The following DLGAP2 variants were observed in gnomAD, a reference collection of about 807,000 sequenced individuals.
DLGAP2 encodes disks large-associated protein 2.
Under a neutral mutation model 100.3 loss-of-function variants are expected in DLGAP2, and 26 were observed. That is an observed-to-expected ratio of 0.26 (90% CI 0.19 to 0.36). The LOEUF (loss-of-function observed/expected upper bound fraction) is 0.36. Among genes scored for constraint, DLGAP2 ranks in the 10% least tolerant of loss-of-function variants. The pLI, the probability that DLGAP2 is intolerant of heterozygous loss-of-function variation, is 1.00. For missense variants in DLGAP2, 1,858 were observed against 1,453.2 expected (o/e 1.28, Z -4.53); for synonymous variants, 886 against 630.1 (o/e 1.41, Z -6.08).
At chr8:1,520,782 C>T (rs966059863) in intron 4 of DLGAP2, among the ~76,000 whole-genome samples, 2 of 152,132 alleles carry the variant, frequency 1.3e-5, no homozygotes, top group Non-Finnish European at 2.9e-5. Context: ...GGACATCTTC[C>T]AAGTTTGGGC....
At chr8:851,617 C>G (rs891552647) in intron 1 of DLGAP2, among the ~76,000 whole-genome samples, 2 of 152,198 alleles carry the variant, frequency 1.3e-5, no homozygotes, top group African/African-American at 4.8e-5. Flanking sequence ...GTCAGTTCAG[C>G]CTCTGTTCAA....
chr8:1,230,252 A>G (rs1271330072), intron 2 of DLGAP2, among the ~76,000 whole-genome samples: 2 of 152,214 alleles, frequency 1.3e-5, no homozygotes, highest in African/African-American at 4.8e-5. Context: ...CAAGAACGCT[A>G]TCCTATTCTT....
At chr8:1,233,506 C>T (rs142059152) in intron 2 of DLGAP2, among the ~76,000 whole-genome samples, 3 of 152,288 alleles carry the variant, frequency 2.0e-5, no homozygotes, top group African/African-American at 7.2e-5. Flanking sequence ...GGTTGGGATG[C>T]AGACCGCAGC....
intron 1 of DLGAP2, among the ~76,000 whole-genome samples, chr8:809,069 G>C (rs892983692): frequency 1.3e-5 from 2 of 151,976 alleles, no homozygotes; most frequent in African/African-American, 4.8e-5. Context: ...ACCACGCCTG[G>C]CTAATTTTTT....
At chr8:1,428,096 C>T (rs139466562) in intron 3 of DLGAP2, among the ~76,000 whole-genome samples, 92 of 150,316 alleles carry the variant, frequency 6.1e-4, no homozygotes, top group South Asian at 5.9e-3. Flanking sequence ...GAACAGAGTA[C>T]GCTAAATAAA....
chr8:1,594,787 TA>T (rs1476741271), intron 6 of DLGAP2, among the ~76,000 whole-genome samples: 1 of 152,006 alleles, frequency 6.6e-6, no homozygotes, highest in Admixed American at 6.6e-5. Context: ...ATAGTTTTTT[TA>T]AAAAAAAGTT....
rs564527657 is a variant in DLGAP2, at chr8:1,551,093, T to C, written c.1230+1410T>C. 2.0e-5 allele frequency among the ~76,000 whole-genome samples: 3 copies of C among 152,392 alleles called. No individual in the cohort carries two copies. The East Asian group carries it at 5.8e-4, about 29-fold the overall frequency. Reference sequence around the variant, plus strand: ...TCCAGCGTCCACATCTCAACAGCTCTGTTTTGAAAGGAAATGCTAACCAAA... The same window carrying C: ...TCCAGCGTCCACATCTCAACAGCTCCGTTTTGAAAGGAAATGCTAACCAAA... On this transcript the variant is annotated intron_variant, in intron 5 of 14. Transcript: ENST00000637795.
At chr8:1,229,352 G>C (rs915901247) in intron 2 of DLGAP2, among the ~76,000 whole-genome samples, 14 of 151,716 alleles carry the variant, frequency 9.2e-5, no homozygotes, top group Non-Finnish European at 1.6e-4. Context: ...GAATCCATCT[G>C]TTCTGAAGCT....
At chr8:1,139,051 CT>C (rs1212116026) in intron 2 of DLGAP2, among the ~76,000 whole-genome samples, 1 of 152,250 alleles carries the variant, frequency 6.6e-6, no homozygotes, top group African/African-American at 2.4e-5. Context: ...GTTGAAGGAA[CT>C]TTTGAAATTG....
intron 8 of DLGAP2, among the ~76,000 whole-genome samples, chr8:1,639,471 G>A (rs998142028): frequency 2.0e-5 from 3 of 152,204 alleles, no homozygotes; most frequent in African/African-American, 4.8e-5. Flanking sequence ...TGCCACCCCC[G>A]ACCCAGGGTA....
At chr8:783,412 C>T (rs757109400) in intron 1 of DLGAP2, among the ~76,000 whole-genome samples, 14 of 152,144 alleles carry the variant, frequency 9.2e-5, no homozygotes, top group African/African-American at 7.2e-5. Flanking sequence ...ATTACATACA[C>T]GGGAAAGTAT....
intron 3 of DLGAP2, among the ~76,000 whole-genome samples, chr8:1,270,024 G>T (rs7001464): frequency 0.73 from 111,588 of 152,110 alleles, 41,849 homozygotes; most frequent in South Asian, 0.81. Flanking sequence ...TTCATCACAG[G>T]CCTTGCCCTT....
chr8:1,702,552 A>G lies in DLGAP2; in HGVS notation c.*1146A>G, dbSNP rs1050702148. ...GCAGTATTGCTAAAGTCGAGAATAT[A>G]TTCCTTGCCTGTGTTAGACATGAAG... On this transcript the variant is annotated 3_prime_UTR_variant, in exon 15 of 15. Coordinates refer to ENST00000637795, the MANE Select transcript of DLGAP2 (RefSeq NM_001346810.2). 5 of 152,342 alleles carry G rather than the reference A, an allele frequency of 3.3e-5. No homozygotes were observed. Among genetic ancestry groups the G allele is most frequent in the African/African-American group, 1.2e-4 (5 of 41,400 alleles). 9.4% of individuals were successfully genotyped at this position (152,342 alleles called of 1,614,324 possible). A position where few individuals can be genotyped will look rare whatever the true frequency, so the allele number is the denominator to read the frequency against.
At chr8:1,641,885 T>C (rs116611814) in intron 8 of DLGAP2, among the ~76,000 whole-genome samples, 13,950 of 115,202 alleles carry the variant, frequency 0.12, 1,269 homozygotes, top group African/African-American at 0.32. Context: ...AACCCGCCGG[T>C]CCTCACCTGT....
chr8:1,022,294 A>G (rs1321986048), intron 2 of DLGAP2, among the ~76,000 whole-genome samples: 1 of 147,694 alleles, frequency 6.8e-6, no homozygotes, highest in Non-Finnish European at 1.5e-5. Flanking sequence ...GCCGAGGTAG[A>G]TGCTCCAAAC....
At chr8:1,574,234 T>G (rs574158999) in intron 6 of DLGAP2, among the ~76,000 whole-genome samples, 1 of 152,346 alleles carries the variant, frequency 6.6e-6, no homozygotes, top group African/African-American at 2.4e-5. Context: ...AAACAGGTTC[T>G]GCGTCACCAG....
intron 2 of DLGAP2, among the ~76,000 whole-genome samples, chr8:941,819 AT>A (rs35770034): frequency 0.4 from 59,857 of 149,672 alleles, 12,206 homozygotes; most frequent in Admixed American, 0.53. Flanking sequence ...CACAAAATAC[AT>A]TTTTTTTTTT....
chr8:1,216,220 G>T (rs1159598992), intron 2 of DLGAP2, among the ~76,000 whole-genome samples: 1 of 152,184 alleles, frequency 6.6e-6, no homozygotes, highest in East Asian at 1.9e-4. Flanking sequence ...GGGTCTTCAG[G>T]TCTCACGTGA....
At chr8:780,515 A>T (rs1821654844) in intron 1 of DLGAP2, among the ~76,000 whole-genome samples, 1 of 152,150 alleles carries the variant, frequency 6.6e-6, no homozygotes, top group Non-Finnish European at 1.5e-5. Flanking sequence ...GTCTTGTGCT[A>T]GCTCTACTTT....
Sources: gnomAD v4.1 joint callset for allele counts (sites outside exome capture counted in the v4.1 genomes callset) on GRCh38, gnomAD v4.1.1 for gene constraint, MANE v1.5 for transcripts, NCBI Gene and HGNC (gene_info 2026-07-23, HGNC 2026-07-21) for gene names.